Variants in ADAMTS13 observed in about 807,000 individuals in gnomAD.
ADAMTS13 encodes the protein A disintegrin and metalloproteinase with thrombospondin motifs 13.
In ADAMTS13, 110 loss-of-function variants were observed where a neutral mutation model predicts 155.1. The observed-to-expected ratio is 0.71, with a 90% confidence interval of 0.61 to 0.83. The LOEUF (loss-of-function observed/expected upper bound fraction) is 0.83. Among genes scored for constraint, ADAMTS13 ranks in the 40% least tolerant of loss-of-function variants. The probability of loss-of-function intolerance (pLI) is 0.00; values close to 1 mark genes in which losing one functional copy is unlikely to be tolerated. For missense variants in ADAMTS13, 1,707 were observed against 1,891.7 expected (o/e 0.90, Z 1.81); for synonymous variants, 758 against 756.4 (o/e 1.00, Z -0.03).
upstream of ADAMTS13, chr9:133,417,474 G>T (rs1363664291): frequency 1.7e-5 from 14 of 806,830 alleles, no homozygotes; most frequent in East Asian, 3.5e-4. Context: ...CCCTCAACAG[G>T]CCACCTTTCT....
intron 1 of ADAMTS13, among the ~76,000 whole-genome samples, chr9:133,416,916 G>A (rs1839652913): frequency 6.6e-6 from 1 of 152,234 alleles, no homozygotes; most frequent in Non-Finnish European, 1.5e-5. Flanking sequence ...AAGACCGTAA[G>A]TGTCGCTAGA....
upstream of ADAMTS13, chr9:133,417,952 C>A (rs371857918): frequency 2.9e-6 from 3 of 1,025,374 alleles, no homozygotes; most frequent in Non-Finnish European, 4.2e-6. Flanking sequence ...GAAACACACC[C>A]ACCGCAGGGA....
intron 12 of ADAMTS13, 84 bp from the exon 13 acceptor site, chr9:133,437,665 T>C (rs1841338222): frequency 3.2e-6 from 5 of 1,546,958 alleles, no homozygotes; most frequent in South Asian, 2.3e-5. Flanking sequence ...TTGCCCCAGA[T>C]GCAAAGGATG....
In ADAMTS13 at chr9:133,455,757, C is replaced by A. The variant is rs1045112422; in HGVS notation, c.3401-312C>A. 48 of 1,062,556 alleles carry A rather than the reference C, an allele frequency of 4.5e-5. No individual in the cohort carries two copies. In the African/African-American group the frequency reaches 6.7e-4, roughly 15 times the overall value. 65.8% of individuals were successfully genotyped at this position (1,062,556 alleles called of 1,614,324 possible). A position where few individuals can be genotyped will look rare whatever the true frequency, so the allele number is the denominator to read the frequency against. ...CTGGCCCTCTTTCTCCCTGGCAAAG[C>A]AAAACCTCCCTTTTACTACTATCAA... On this transcript the variant is annotated intron_variant, in intron 25 of 28. Transcript: ENST00000355699.
chr9:133,454,289 A>G (rs587596021), intron 23 of ADAMTS13, 126 bp from the exon 24 acceptor site: 2 of 1,182,082 alleles, frequency 1.7e-6, no homozygotes, highest in African/African-American at 1.5e-5. Context: ...TGCACTTTCC[A>G]TCTTGCCTGG....
At chr9:133,451,836 G>A (rs1209640721) in intron 23 of ADAMTS13, among the ~76,000 whole-genome samples, 5 of 139,716 alleles carry the variant, frequency 3.6e-5, no homozygotes, top group Admixed American at 2.4e-4. Context: ...AGGCTGCAGT[G>A]AGCAGAGATC....
chr9:133,455,467 C>T lies in ADAMTS13; in HGVS notation c.3400+32C>T, dbSNP rs1554795505. 20 of 1,612,418 alleles carry T rather than the reference C, an allele frequency of 1.2e-5. No homozygotes were observed. Among genetic ancestry groups the T allele is most frequent in the East Asian group, 6.7e-5 (3 of 44,872 alleles). ...CCAGCCTGGTGCCCCACGAAGAAGC[C>T]GCTGCTCCAGGACGGACCACAGCCA... On this transcript the variant is annotated intron_variant, in intron 25 of 28. Coordinates refer to ENST00000355699, the MANE Select transcript of ADAMTS13 (RefSeq NM_139027.6).
intron 14 of ADAMTS13, among the ~76,000 whole-genome samples, chr9:133,439,102 CAG>C (rs1841472853): frequency 6.6e-6 from 1 of 152,156 alleles, no homozygotes; most frequent in Non-Finnish European, 1.5e-5. Context: ...CTATGGAGAG[CAG>C]AGACTTGAGC....
chr9:133,450,970 C>T (rs186630529), intron 23 of ADAMTS13, among the ~76,000 whole-genome samples: 6 of 152,216 alleles, frequency 3.9e-5, no homozygotes, highest in Middle Eastern at 3.4e-3. Context: ...ATGTGGAAGA[C>T]GGGAGGGATG....
rs587631880 is a variant in ADAMTS13 at position 133,450,522 on chromosome 9, G to A, written c.3044+557G>A. Among the ~76,000 whole-genome samples the A allele has an allele frequency of 5.5e-5, 8 of 145,732 alleles. No homozygotes were observed. The East Asian group carries it at 8.0e-4, about 15-fold the overall frequency. On this transcript the variant is annotated intron_variant, in intron 23 of 28. Coordinates refer to ENST00000355699, the MANE Select transcript of ADAMTS13 (RefSeq NM_139027.6). ...CAAGGTTGTGGTGAGCCAAGATTAC[G>A]CCACTGGACTCCAGCCTGGCTAACA...
At chr9:133,434,196 C>T (rs782137462) in intron 11 of ADAMTS13, among the ~76,000 whole-genome samples, 3 of 152,178 alleles carry the variant, frequency 2.0e-5, no homozygotes, top group Non-Finnish European at 4.4e-5. Context: ...CTGAAGCGTC[C>T]CGCCTCCCTC....
chr9:133,442,270 C>T (rs1023353847), intron 16 of ADAMTS13, 129 bp from the exon 17 acceptor site: 2 of 1,440,938 alleles, frequency 1.4e-6, no homozygotes, highest in Admixed American at 3.4e-5. Context: ...CGTGCCTGGC[C>T]AGTGATTGCT....
intron 8 of ADAMTS13, chr9:133,430,305 G>T (rs1588160758): frequency 1.3e-6 from 1 of 770,254 alleles, no homozygotes; most frequent in Non-Finnish European, 2.2e-6. Context: ...ATTTTTGTTT[G>T]ACTGGGCCCC....
chr9:133,416,297 G>C (rs1839596149), intron 1 of ADAMTS13, among the ~76,000 whole-genome samples: 1 of 152,162 alleles, frequency 6.6e-6, no homozygotes, highest in African/African-American at 2.4e-5. Context: ...AGTCATTCAT[G>C]AGGGATCTAC....
Position 133,433,311 on chromosome 9 carries a change from G to C in ADAMTS13, c.1093-67G>C. 4 of 1,596,020 alleles carry C rather than the reference G, an allele frequency of 2.5e-6. No homozygotes were observed. In the South Asian group the frequency reaches 4.4e-5, roughly 18 times the overall value. On this transcript the variant is annotated intron_variant, in intron 9 of 28. Coordinates refer to ENST00000355699, the MANE Select transcript of ADAMTS13 (RefSeq NM_139027.6). ...CCCTGAGGATGTTGGGGGACTCTCT[G>C]TGTGTGTTGGGAGTCCTGTGGTGGG...
Position 133,440,431 on chromosome 9 carries a change from G to A in ADAMTS13, c.1874G>A (p.Arg625His), listed in dbSNP as rs36090624. The A allele has an allele frequency of 3.8e-3, 6,099 of 1,613,770 alleles. 195 individuals are homozygous for A. In the African/African-American group the frequency reaches 0.071, roughly 19 times the overall value. Residue 625 changes from arginine (R) to histidine (H), a missense_variant, in exon 16 of 29, where the codon CGT becomes CAT. Physicochemically the swap from Arg to His is conservative, Grantham distance 29. Around this residue, in one of 3 missense-constraint regions of ADAMTS13, gnomAD observed 961 missense variants for 1,107.9 expected, o/e 0.87. Transcript: ENST00000355699. This position sits in a 1 kb window ranked among gnomAD's most constrained non-coding sequence, Gnocchi z 4.3. ...TTYPSLLEDG[R>H]VEYRVALTED... ...TACCCCTCCCTCCTGGAGGATGGTC[G>A]TGTCGAGTACAGAGTGGCCCTCACC...
chr9:133,422,956 TTA>T, intron 1 of ADAMTS13, 143 bp from the exon 2 acceptor site: 9 of 493,710 alleles, frequency 1.8e-5, no homozygotes, highest in South Asian at 7.6e-5. Context: ...TTTTTTTTTT[TTA>T]AGACATGGGG....
intron 21 of ADAMTS13, among the ~76,000 whole-genome samples, chr9:133,446,780 A>C (rs1842091843): frequency 6.6e-6 from 1 of 152,200 alleles, no homozygotes; most frequent in African/African-American, 2.4e-5. Context: ...GCACCATTTT[A>C]CATTTCCACT....
upstream of ADAMTS13, among the ~76,000 whole-genome samples, chr9:133,418,538 A>G (rs28730431): frequency 0.055 from 8,334 of 152,244 alleles, 324 homozygotes; most frequent in Non-Finnish European, 0.087. Flanking sequence ...TTTAGTGGGG[A>G]GCATCGGCAG....
Sources: gnomAD v4.1 joint callset for allele counts (sites outside exome capture counted in the v4.1 genomes callset) on GRCh38, gnomAD v4.1.1 for gene constraint, gnomAD v4.1.1 regional missense constraint, Gnocchi (gnomAD v3.1) non-coding constraint, MANE v1.5 for transcripts, NCBI Gene and HGNC (gene_info 2026-07-23, HGNC 2026-07-21) for gene names.